NKAIN3: variants seen among roughly 807,000 people sequenced by gnomAD.
NKAIN3 encodes sodium/potassium-transporting ATPase subunit beta-1-interacting protein 3.
In NKAIN3, 25 loss-of-function variants were observed where a neutral mutation model predicts 30.2. The observed-to-expected ratio is 0.83, with a 90% CI of 0.60 to 1.16. The LOEUF (loss-of-function observed/expected upper bound fraction) is 1.16. Among genes scored for constraint, NKAIN3 ranks in the 50% most tolerant of loss-of-function variants. The pLI, the probability that NKAIN3 is intolerant of heterozygous loss-of-function variation, is 0.00. For synonymous variants in NKAIN3, 91 were observed against 89.6 expected, an observed-to-expected ratio of 1.02 and a Z score of -0.09; for missense variants, 225 against 254.1, an observed-to-expected ratio of 0.89 and a Z score of 0.78.
At chr8:62,520,655 T>C (rs1222384047) in intron 1 of NKAIN3, among the ~76,000 whole-genome samples, 1 of 152,076 alleles carries the variant, frequency 6.6e-6, no homozygotes, top group Non-Finnish European at 1.5e-5. Context: ...AACACTGAAA[T>C]AACTACAGGT....
At chr8:62,768,304 G>A (rs541569341) in intron 4 of NKAIN3, among the ~76,000 whole-genome samples, 1 of 152,250 alleles carries the variant, frequency 6.6e-6, no homozygotes, top group African/African-American at 2.4e-5. Flanking sequence ...GTCTCTCACA[G>A]TCTTATGAAA....
At chr8:62,632,586 T>G (rs1199527343) in intron 3 of NKAIN3, among the ~76,000 whole-genome samples, 1 of 152,082 alleles carries the variant, frequency 6.6e-6, no homozygotes, top group African/African-American at 2.4e-5. Flanking sequence ...CACTGAAACC[T>G]CCACCTTCCA....
At chr8:62,949,860 A>G (rs960084777) in intron 5 of NKAIN3, among the ~76,000 whole-genome samples, 10 of 152,104 alleles carry the variant, frequency 6.6e-5, no homozygotes, top group African/African-American at 2.4e-4. Flanking sequence ...TCTTCTGCTC[A>G]ATAGTGTTCT....
At chr8:62,909,144 T>C (rs1157602499) in intron 4 of NKAIN3, among the ~76,000 whole-genome samples, 1 of 152,208 alleles carries the variant, frequency 6.6e-6, no homozygotes, top group East Asian at 1.9e-4. Context: ...GTTATCCTCC[T>C]AGTACCTACA....
intron 3 of NKAIN3, among the ~76,000 whole-genome samples, chr8:62,644,725 A>G (rs1326784360): frequency 3.3e-5 from 5 of 152,106 alleles, no homozygotes; most frequent in Non-Finnish European, 7.4e-5. Context: ...AATACTTTTG[A>G]TTTTTGATGG....
intron 4 of NKAIN3, among the ~76,000 whole-genome samples, chr8:62,811,028 T>A (rs1016067205): frequency 2.6e-5 from 4 of 152,102 alleles, no homozygotes; most frequent in African/African-American, 9.7e-5. Context: ...GTTGCTCTTT[T>A]ATAACTATAT....
chr8:62,610,191 T>C (rs1811246551), intron 3 of NKAIN3, among the ~76,000 whole-genome samples: 1 of 151,762 alleles, frequency 6.6e-6, no homozygotes, highest in Non-Finnish European at 1.5e-5. Flanking sequence ...ACTAAAAATA[T>C]AAGATTATCC....
intron 5 of NKAIN3, among the ~76,000 whole-genome samples, chr8:62,940,932 T>C (rs972302980): frequency 1.7e-4 from 25 of 148,316 alleles, no homozygotes; most frequent in African/African-American, 5.7e-4. Context: ...ACCAAATATA[T>C]TGAAAAAAAA....
At chr8:62,804,371 C>A (rs2130701036) in intron 4 of NKAIN3, among the ~76,000 whole-genome samples, 1 of 152,248 alleles carries the variant, frequency 6.6e-6, no homozygotes, top group Admixed American at 6.5e-5. Context: ...AGACCAATAT[C>A]CTTGATGAAC....
intron 4 of NKAIN3, among the ~76,000 whole-genome samples, chr8:62,835,178 AT>A (rs1283298143): frequency 2.0e-5 from 3 of 152,074 alleles, no homozygotes; most frequent in Non-Finnish European, 4.4e-5. Flanking sequence ...CTGAAAATGG[AT>A]TAAATATCTT....
At chr8:62,569,499 G>A (rs1809859520) in intron 1 of NKAIN3, among the ~76,000 whole-genome samples, 1 of 152,076 alleles carries the variant, frequency 6.6e-6, no homozygotes, top group Admixed American at 6.6e-5. Flanking sequence ...CTTCAGGCTG[G>A]GCACAGTGGC....
intron 4 of NKAIN3, among the ~76,000 whole-genome samples, chr8:62,797,707 A>G (rs778340339): frequency 6.6e-6 from 1 of 152,318 alleles, no homozygotes; most frequent in South Asian, 2.1e-4. Flanking sequence ...GCTAAATTGT[A>G]TGCCCCAGAA....
chr8:62,318,153 G>T (rs530170751), intron 1 of NKAIN3, among the ~76,000 whole-genome samples: 13 of 152,166 alleles, frequency 8.5e-5, no homozygotes, highest in Non-Finnish European at 1.9e-4. Flanking sequence ...TGCTGAAGTT[G>T]CCTATCAGCT....
chr8:62,535,735 C>G (rs1808640186), intron 1 of NKAIN3, among the ~76,000 whole-genome samples: 1 of 152,118 alleles, frequency 6.6e-6, no homozygotes, highest in African/African-American at 2.4e-5. Context: ...TATTCAGCTC[C>G]CTGGAAGCTC....
At chr8:62,403,582 C>T (rs2129595419) in intron 1 of NKAIN3, among the ~76,000 whole-genome samples, 1 of 152,328 alleles carries the variant, frequency 6.6e-6, no homozygotes, top group Non-Finnish European at 1.5e-5. Context: ...AAGCCCCAAG[C>T]CTTGGCAGCT....
chr8:62,250,668 T>G (rs2129385658), intron 1 of NKAIN3, among the ~76,000 whole-genome samples: 1 of 152,376 alleles, frequency 6.6e-6, no homozygotes. Flanking sequence ...AAGGTTTTTA[T>G]GTAGCAGATT....
At chr8:62,404,918 G>C (rs1184244763) in intron 1 of NKAIN3, among the ~76,000 whole-genome samples, 1 of 152,122 alleles carries the variant, frequency 6.6e-6, no homozygotes, top group Non-Finnish European at 1.5e-5. Flanking sequence ...GGTGAGCACT[G>C]CTTGGGTATC....
intron 1 of NKAIN3, among the ~76,000 whole-genome samples, chr8:62,328,618 T>C (rs1815226528): frequency 1.3e-5 from 2 of 152,110 alleles, no homozygotes; most frequent in African/African-American, 4.8e-5. Context: ...CACCTTAACA[T>C]CTCAGAGATT....
intron 4 of NKAIN3, among the ~76,000 whole-genome samples, chr8:62,896,562 G>A (rs1449526438): frequency 6.6e-6 from 1 of 152,188 alleles, no homozygotes; most frequent in African/African-American, 2.4e-5. Flanking sequence ...TTACCCAAGG[G>A]TAAAATCAGC....
Sources: allele counts gnomAD v4.1 joint callset (sites outside exome capture counted in the v4.1 genomes callset), GRCh38; gene constraint gnomAD v4.1.1; transcripts MANE v1.5; gene names NCBI Gene and HGNC (gene_info 2026-07-23, HGNC 2026-07-21).